IL1RAPL2: variants seen among roughly 807,000 people sequenced by gnomAD.
The protein encoded by IL1RAPL2 is interleukin 1 receptor accessory protein like 2.
IL1RAPL2 carries 3 observed loss-of-function variants against 44.1 expected under a neutral mutation model. The observed-to-expected ratio is 0.07, with a 90% CI of 0.03 to 0.18. IL1RAPL2 has a LOEUF of 0.18. Ranked by LOEUF, IL1RAPL2 falls within the 10% of genes least tolerant of loss-of-function variation. IL1RAPL2 has a pLI of 1.00. For missense variants in IL1RAPL2, 391 were observed against 496.4 expected (o/e 0.79, Z 2.02); for synonymous variants, 181 against 178.8 (o/e 1.01, Z -0.10).
At chrX:104,575,998 T>C (rs766543534) in intron 1 of IL1RAPL2, among the ~76,000 whole-genome samples, 1 of 112,117 alleles carries the variant, frequency 8.9e-6, no homozygotes, top group Non-Finnish European at 1.9e-5. Flanking sequence ...AATGGGTAGT[T>C]GTGACACAGA....
intron 6 of IL1RAPL2, among the ~76,000 whole-genome samples, chrX:105,610,845 T>G (rs1020775388): frequency 6.6e-5 from 7 of 106,271 alleles, no homozygotes; most frequent in African/African-American, 2.4e-4. Context: ...TACTTTTAAT[T>G]GTTATTTTGG....
chrX:105,361,051 G>A (rs757755336), intron 5 of IL1RAPL2, among the ~76,000 whole-genome samples: 7 of 111,554 alleles, frequency 6.3e-5, no homozygotes, highest in African/African-American at 1.9e-4. Context: ...AGGTAGGTAC[G>A]AATTAGAAAA....
chrX:104,738,984 G>A (rs991011867), intron 2 of IL1RAPL2, among the ~76,000 whole-genome samples: 2 of 111,503 alleles, frequency 1.8e-5, no homozygotes, highest in African/African-American at 3.3e-5. Flanking sequence ...GTCTGATACC[G>A]AGAATGATGT....
intron 2 of IL1RAPL2, among the ~76,000 whole-genome samples, chrX:104,763,237 T>C (rs1413030300): frequency 8.9e-6 from 1 of 112,121 alleles, no homozygotes; most frequent in East Asian, 2.8e-4. Context: ...GGGCTACTTT[T>C]GCTCCAGTTC....
chrX:105,559,645 A>G (rs1014431710), intron 6 of IL1RAPL2, among the ~76,000 whole-genome samples: 1 of 112,012 alleles, frequency 8.9e-6, no homozygotes, highest in Non-Finnish European at 1.9e-5. Flanking sequence ...TCAGTCCACA[A>G]GAAGACACTT....
At chrX:105,251,392 T>A (rs2034267659) in intron 4 of IL1RAPL2, among the ~76,000 whole-genome samples, 1 of 110,529 alleles carries the variant, frequency 9.0e-6, no homozygotes, top group Non-Finnish European at 1.9e-5. Context: ...ACCATAAAAT[T>A]GTATGCAACC....
At chrX:105,355,702 T>G (rs1245697415) in intron 5 of IL1RAPL2, among the ~76,000 whole-genome samples, 1 of 111,548 alleles carries the variant, frequency 9.0e-6, no homozygotes, top group Non-Finnish European at 1.9e-5. Context: ...TCTTATACTG[T>G]TGAGACTTTC....
chrX:105,070,727 TTA>T (rs1231283833), intron 2 of IL1RAPL2, among the ~76,000 whole-genome samples: 2 of 103,716 alleles, frequency 1.9e-5, no homozygotes, highest in African/African-American at 7.7e-5. Context: ...ATATATATAT[TTA>T]TGTGTGTGTG....
At chrX:105,001,717 G>A (rs916992987) in intron 2 of IL1RAPL2, among the ~76,000 whole-genome samples, 4 of 111,250 alleles carry the variant, frequency 3.6e-5, no homozygotes, top group African/African-American at 9.8e-5. Flanking sequence ...AACTTCATGG[G>A]TAAATTGGGC....
intron 6 of IL1RAPL2, among the ~76,000 whole-genome samples, chrX:105,537,250 T>C (rs2036684367): frequency 8.9e-6 from 1 of 112,029 alleles, no homozygotes; most frequent in Non-Finnish European, 1.9e-5. Context: ...CTATTATTTG[T>C]AGAATGCTCT....
intron 1 of IL1RAPL2, among the ~76,000 whole-genome samples, chrX:104,621,603 C>T (rs900066595): frequency 1.8e-5 from 2 of 110,876 alleles, no homozygotes; most frequent in African/African-American, 3.3e-5. Context: ...GACATAGGTC[C>T]TGGTACAACA....
chrX:105,459,324 G>A (rs1303871980), intron 5 of IL1RAPL2, among the ~76,000 whole-genome samples: 2 of 111,216 alleles, frequency 1.8e-5, no homozygotes, highest in African/African-American at 6.5e-5. Flanking sequence ...ATCTGTGTCT[G>A]TGTATTAATA....
At chrX:105,212,187 C>G (rs1352941303) in intron 3 of IL1RAPL2, among the ~76,000 whole-genome samples, 1 of 112,571 alleles carries the variant, frequency 8.9e-6, no homozygotes, top group Non-Finnish European at 1.9e-5. Flanking sequence ...CCCACTCCCA[C>G]AGAGCCCAGC....
At chrX:105,347,981 G>C (rs2035124150) in intron 5 of IL1RAPL2, among the ~76,000 whole-genome samples, 1 of 111,791 alleles carries the variant, frequency 8.9e-6, no homozygotes, top group African/African-American at 3.3e-5. Context: ...TACCATTCAT[G>C]TATCTATTAC....
chrX:104,582,644 CTT>C (rs1218302732), intron 1 of IL1RAPL2, among the ~76,000 whole-genome samples: 4 of 43,324 alleles, frequency 9.2e-5, no homozygotes, highest in Non-Finnish European at 1.3e-4. Context: ...TTCTTTCTCT[CTT>C]TCTTTCTTTC....
intron 1 of IL1RAPL2, among the ~76,000 whole-genome samples, chrX:104,610,444 C>T (rs1275800691): frequency 1.8e-5 from 2 of 111,921 alleles, no homozygotes; most frequent in African/African-American, 6.5e-5. Context: ...TCTCAGGATA[C>T]AAAATCAATG....
chrX:105,072,300 T>G (rs1377183285), intron 2 of IL1RAPL2, among the ~76,000 whole-genome samples: 1 of 111,811 alleles, frequency 8.9e-6, no homozygotes, highest in Non-Finnish European at 1.9e-5. Context: ...TAAACCTCTT[T>G]CCTTTATAAA....
chrX:104,880,281 C>T (rs1923027339), intron 2 of IL1RAPL2, among the ~76,000 whole-genome samples: 1 of 110,925 alleles, frequency 9.0e-6, no homozygotes, highest in Admixed American at 9.6e-5. Context: ...CTGAGTAAAG[C>T]TTCTATAAGA....
At position 105,080,337 on chromosome X, in the gene IL1RAPL2, G is replaced by A. The variant is rs1390645076; in HGVS notation, c.83-115138G>A. On this transcript the variant is annotated intron_variant, in intron 2 of 10. Coordinates refer to ENST00000372582, the MANE Select transcript of IL1RAPL2 (RefSeq NM_017416.2). ...GTTATTGCCTAGGTTTTCTTCTAGG[G>A]TATTTATGGTTTTAGGACTTACGTT... Among the ~76,000 whole-genome samples, 5 of 112,054 alleles carry A rather than the reference G, an allele frequency of 4.5e-5. No individual in the cohort carries two copies. The East Asian group carries it at 1.4e-3, about 32-fold the overall frequency.
Sources: gnomAD v4.1 joint callset for allele counts (sites outside exome capture counted in the v4.1 genomes callset) on GRCh38, gnomAD v4.1.1 for gene constraint, MANE v1.5 for transcripts, NCBI Gene and HGNC (gene_info 2026-07-23, HGNC 2026-07-21) for gene names.